TLK2: variants seen among roughly 807,000 people sequenced by gnomAD.
TLK2 encodes the protein serine/threonine-protein kinase tousled-like 2.
In TLK2, 6 loss-of-function variants were observed where a neutral mutation model predicts 117.3. That is an observed-to-expected ratio of 0.05 (90% confidence interval 0.03 to 0.10). TLK2 has a LOEUF of 0.10. Ranked by LOEUF, TLK2 falls within the 10% of genes least tolerant of loss-of-function variation. The pLI is 1.00. For missense variants in TLK2, 299 were observed against 901.2 expected (o/e 0.33, Z 8.56); for synonymous variants, 257 against 316.7 (o/e 0.81, Z 2.00).
At chr17:62,541,090 G>GT (rs1451514056) in intron 7 of TLK2, among the ~76,000 whole-genome samples, 1 of 152,052 alleles carries the variant, frequency 6.6e-6, no homozygotes. Flanking sequence ...TGCTCTCTCA[G>GT]TTCCCTCTGG....
At chr17:62,549,036 G>A (rs1598507566) in intron 7 of TLK2, among the ~76,000 whole-genome samples, 1 of 150,816 alleles carries the variant, frequency 6.6e-6, no homozygotes, top group East Asian at 2.0e-4. Flanking sequence ...ACTGCACCCA[G>A]TCTAATCATT....
chr17:62,601,879 T>G (rs992877331), intron 18 of TLK2, among the ~76,000 whole-genome samples, 163 bp from the exon 19 acceptor site: 7 of 152,246 alleles, frequency 4.6e-5, no homozygotes, highest in Non-Finnish European at 1.0e-4. Flanking sequence ...TGCTGAGGAC[T>G]CTCCCTGAGT....
chr17:62,512,380 G>A (rs535191248), intron 2 of TLK2, among the ~76,000 whole-genome samples: 3 of 151,598 alleles, frequency 2.0e-5, no homozygotes, highest in East Asian at 1.9e-4. Flanking sequence ...GCACCACCAC[G>A]CCTGGCTAAT....
At chr17:62,562,379 G>C (rs1204305670) in intron 10 of TLK2, among the ~76,000 whole-genome samples, 1 of 152,038 alleles carries the variant, frequency 6.6e-6, no homozygotes, top group African/African-American at 2.4e-5. Flanking sequence ...ACACACAAAT[G>C]AAAATGCAAT....
intron 2 of TLK2, among the ~76,000 whole-genome samples, chr17:62,496,913 C>T (rs1462518065): frequency 3.4e-5 from 5 of 148,066 alleles, no homozygotes; most frequent in Admixed American, 2.8e-4. Flanking sequence ...GCCAAGATCG[C>T]GCCACTGCAC....
At chr17:62,588,584 G>C (rs1424093299) in intron 16 of TLK2, among the ~76,000 whole-genome samples, 1 of 152,196 alleles carries the variant, frequency 6.6e-6, no homozygotes, top group African/African-American at 2.4e-5. Context: ...CTATTTGGCA[G>C]ACACCTTGGG....
rs146419624 is a variant in TLK2, at chr17:62,540,689, G to T, written c.531+4352G>T. ...GCTGGGATTACAGGCATGAGCCACT[G>T]CATCTGGCCTGTGTTCAGAATTTTA... On this transcript the variant is annotated intron_variant, in intron 7 of 21. Transcript: ENST00000346027. 8.5e-3 allele frequency among the ~76,000 whole-genome samples: 1,285 copies of T among 152,066 alleles called. 14 individuals carry two copies. Among genetic ancestry groups the T allele is most frequent in the African/African-American group, 0.029 (1,186 of 41,524 alleles).
chr17:62,558,492 CGAA>C (rs1295922172), intron 9 of TLK2, among the ~76,000 whole-genome samples: 5 of 152,074 alleles, frequency 3.3e-5, no homozygotes, highest in African/African-American at 1.2e-4. Flanking sequence ...ATGAACTCCT[CGAA>C]GACATTAGTG....
rs557505734 is a variant in TLK2, at chr17:62,506,271, C to T, written c.82-14502C>T. The stretch of plus-strand genomic sequence containing the variant: ...AGATAGGTAGAACCTGGAACCAGTG[C>T]TAGGACGTGTGTGTATGTAGGAGGT... On this transcript the variant is annotated intron_variant, in intron 2 of 21. Transcript: ENST00000346027. Among the ~76,000 whole-genome samples the T allele has an allele frequency of 2.6e-5, 4 of 152,306 alleles. No individual in the cohort carries two copies. The East Asian group carries it at 7.7e-4, about 29-fold the overall frequency.
chr17:62,536,551 G>A (rs1440210011), intron 7 of TLK2, among the ~76,000 whole-genome samples: 1 of 151,974 alleles, frequency 6.6e-6, no homozygotes, highest in Non-Finnish European at 1.5e-5. Flanking sequence ...TCAAGCTCCT[G>A]AGGGAGACTG....
intron 9 of TLK2, among the ~76,000 whole-genome samples, chr17:62,558,423 A>G (rs1598578043): frequency 1.3e-5 from 2 of 152,288 alleles, no homozygotes; most frequent in East Asian, 3.9e-4. Flanking sequence ...TCGGCCTCCC[A>G]GAGTGCTGGG....
chr17:62,525,195 T>C (rs2076288428), intron 6 of TLK2, among the ~76,000 whole-genome samples: 1 of 152,188 alleles, frequency 6.6e-6, no homozygotes, highest in African/African-American at 2.4e-5. Flanking sequence ...AGTTTTTATT[T>C]TAGATCACTG....
At chr17:62,591,426 T>C (rs547875265) in intron 16 of TLK2, among the ~76,000 whole-genome samples, 2 of 151,010 alleles carry the variant, frequency 1.3e-5, no homozygotes, top group African/African-American at 4.9e-5. Flanking sequence ...CTACATTTGC[T>C]GAGTGTCTGC....
chr17:62,535,190 T>G (rs1003699028), intron 6 of TLK2, among the ~76,000 whole-genome samples: 15 of 152,086 alleles, frequency 9.9e-5, no homozygotes, highest in Non-Finnish European at 2.2e-4. Context: ...GCCTTGCCAA[T>G]TCCAGTCTTT....
chr17:62,473,020 G>C (rs1461943396), intron 1 of TLK2, among the ~76,000 whole-genome samples: 1 of 152,114 alleles, frequency 6.6e-6, no homozygotes, highest in Non-Finnish European at 1.5e-5. Context: ...ATAACAAACA[G>C]CCAAGCCCCC....
chr17:62,478,579 G>T (rs2071196242), upstream of TLK2, among the ~76,000 whole-genome samples: 1 of 150,484 alleles, frequency 6.6e-6, no homozygotes, highest in African/African-American at 2.4e-5. Context: ...GCCCTCAGCC[G>T]TCCGGCGAGG....
chr17:62,576,898 G>A, intron 13 of TLK2, 123 bp downstream of exon 13: 1 of 671,278 alleles, frequency 1.5e-6, no homozygotes, highest in Non-Finnish European at 2.6e-6. Flanking sequence ...AAGCTTCAGT[G>A]ACTGCTTTCA....
At chr17:62,542,562 G>C (rs2077613281) in intron 7 of TLK2, among the ~76,000 whole-genome samples, 1 of 152,160 alleles carries the variant, frequency 6.6e-6, no homozygotes, top group Non-Finnish European at 1.5e-5. Flanking sequence ...CTACAATTGA[G>C]TCTTTTCTGC....
chr17:62,495,031 G>A (rs376364541), intron 2 of TLK2, among the ~76,000 whole-genome samples: 3 of 152,016 alleles, frequency 2.0e-5, no homozygotes, highest in South Asian at 2.1e-4. Flanking sequence ...GCTGGGCATG[G>A]TGGTGGGCAC....
Sources: allele counts gnomAD v4.1 joint callset (sites outside exome capture counted in the v4.1 genomes callset), GRCh38; gene constraint gnomAD v4.1.1; transcripts MANE v1.5; gene names NCBI Gene and HGNC (gene_info 2026-07-23, HGNC 2026-07-21).